Variants in MKLN1 observed in about 807,000 individuals in gnomAD.
MKLN1 encodes muskelin.
Under a neutral mutation model 99.0 loss-of-function variants are expected in MKLN1, and 18 were observed. The observed-to-expected ratio is 0.18, with a 90% confidence interval of 0.13 to 0.27. The LOEUF (loss-of-function observed/expected upper bound fraction) is 0.27. Among genes scored for constraint, MKLN1 ranks in the 10% least tolerant of loss-of-function variants. MKLN1 has a pLI of 1.00. For missense variants in MKLN1, 621 were observed against 875.9 expected, an observed-to-expected ratio of 0.71 and a Z score of 3.67; for synonymous variants, 288 against 293.2, an observed-to-expected ratio of 0.98 and a Z score of 0.18.
At chr7:131,196,546 G>A (rs774700770) in intron 2 of MKLN1, among the ~76,000 whole-genome samples, 10 of 151,608 alleles carry the variant, frequency 6.6e-5, no homozygotes, top group Non-Finnish European at 1.3e-4. Flanking sequence ...TTTCCAAAAC[G>A]GTGTGCTAAA....
At chr7:131,304,200 C>G (rs1185047902) in intron 3 of MKLN1, among the ~76,000 whole-genome samples, 1 of 152,018 alleles carries the variant, frequency 6.6e-6, no homozygotes, top group African/African-American at 2.4e-5. Flanking sequence ...ATAGGAAGAC[C>G]CTGACTCTAC....
chr7:131,271,401 G>A (rs1427733961), intron 3 of MKLN1, among the ~76,000 whole-genome samples: 1 of 148,964 alleles, frequency 6.7e-6, no homozygotes, highest in African/African-American at 2.5e-5. Context: ...GGCAGATCAT[G>A]AGGTCAGGAG....
chr7:131,204,482 T>C (rs1324683499), intron 3 of MKLN1, among the ~76,000 whole-genome samples: 3 of 152,204 alleles, frequency 2.0e-5, no homozygotes, highest in Non-Finnish European at 4.4e-5. Context: ...GACATGTAGA[T>C]GTAGTATCCA....
At chr7:131,242,431 G>C (rs1300878103) in intron 3 of MKLN1, among the ~76,000 whole-genome samples, 1 of 152,150 alleles carries the variant, frequency 6.6e-6, no homozygotes, top group Non-Finnish European at 1.5e-5. Flanking sequence ...GGCTACTCAG[G>C]AGGCTGACGT....
At chr7:131,416,647 G>C (rs115769943) in intron 8 of MKLN1, among the ~76,000 whole-genome samples, 41 of 151,586 alleles carry the variant, frequency 2.7e-4, no homozygotes, top group African/African-American at 9.7e-4. Context: ...TTTCAGCAAA[G>C]TCTTGATGGT....
rs1563247474 is a variant in MKLN1, at chr7:131,192,195, A to ATAC, written c.-296-10662_-296-10661insTAC. ...TAATATATAAAAATATATAAAATAT[A>ATAC]ATATATACAATATATAAATATATAA... is the stretch of plus-strand genomic sequence containing the variant. On this transcript the variant is annotated intron_variant, in intron 2 of 7. Coordinates refer to the MKLN1 transcript ENST00000416992. Among the ~76,000 whole-genome samples, 56 of 72,578 alleles carry ATAC rather than the reference A, an allele frequency of 7.7e-4. 3 individuals carry two copies. The highest frequency in any genetic ancestry group is 2.0e-3 in the African/African-American group (31 of 15,484). 47.6% of individuals were successfully genotyped at this position (72,578 alleles called of 152,430 possible). A position where few individuals can be genotyped will look rare whatever the true frequency, so the allele number is the denominator to read the frequency against.
At chr7:131,364,268 G>A (rs1413360300) in intron 1 of MKLN1, among the ~76,000 whole-genome samples, 5 of 152,012 alleles carry the variant, frequency 3.3e-5, no homozygotes, top group African/African-American at 4.8e-5. Flanking sequence ...TTTTAAATCA[G>A]AAAGCCTTGA....
At chr7:131,476,930 A>G (rs894240847) in intron 16 of MKLN1, among the ~76,000 whole-genome samples, 4 of 152,244 alleles carry the variant, frequency 2.6e-5, no homozygotes, top group South Asian at 2.1e-4. Context: ...AAGTAGACCC[A>G]TACGTATGTG....
Position 131,466,415 on chromosome 7 carries a change from G to A in MKLN1, c.1928G>A (p.Arg643Lys). Reference sequence around the variant, plus strand: ...TGCAAGTACCTCATAAGAAAACACAGGTATGAAAATAATTCACTGAAAACA... The same window carrying A: ...TGCAAGTACCTCATAAGAAAACACAAGTATGAAAATAATTCACTGAAAACA... The part of the protein sequence containing the change: ...RHCKYLIRKH[R>K]FEEKAQVDPL... The change falls in exon 15 of 18, where the codon AGG becomes AAG. Residue 643 changes from arginine to lysine, a missense_variant and splice_region_variant. By Grantham distance (26) the Arg-to-Lys change is conservative (BLOSUM62 2). This residue lies in a region of MKLN1 where 126 missense variants were observed against 157.4 expected (regional missense o/e 0.80). Coordinates refer to ENST00000352689, the MANE Select transcript of MKLN1 (RefSeq NM_013255.5). 4 of 1,553,568 alleles carry A rather than the reference G, an allele frequency of 2.6e-6. No individual in the cohort carries two copies. The highest frequency in any genetic ancestry group is 1.2e-5 in the South Asian group (1 of 81,120).
intron 3 of MKLN1, among the ~76,000 whole-genome samples, chr7:131,209,660 A>T (rs1251663089): frequency 1.3e-5 from 2 of 152,156 alleles, no homozygotes; most frequent in Non-Finnish European, 2.9e-5. Context: ...CACAGCCCTG[A>T]CTTTGTTTAG....
intron 1 of MKLN1, among the ~76,000 whole-genome samples, chr7:131,341,801 A>T (rs1271875789): frequency 6.6e-6 from 1 of 152,248 alleles, no homozygotes; most frequent in Non-Finnish European, 1.5e-5. Flanking sequence ...TGTGCAGTTC[A>T]TAGTAGGTTG....
At chr7:131,248,700 T>C (rs894842511) in intron 3 of MKLN1, among the ~76,000 whole-genome samples, 1 of 151,956 alleles carries the variant, frequency 6.6e-6, no homozygotes, top group Admixed American at 6.6e-5. Context: ...CCGTGAAAAG[T>C]TGGTTGGTTT....
At position 131,340,116 on chromosome 7, in the gene MKLN1, C is replaced by A. The variant is rs1584623097; in HGVS notation, c.98+12119C>A. Reference sequence around the variant, plus strand: ...CCATCAGAAAAGTCATAAAATCTAACTCCTGTTTATTCTCGAGCTATCAGC... The same window carrying A: ...CCATCAGAAAAGTCATAAAATCTAAATCCTGTTTATTCTCGAGCTATCAGC... On this transcript the variant is annotated intron_variant, in intron 1 of 17. Coordinates refer to ENST00000352689, the MANE Select transcript of MKLN1 (RefSeq NM_013255.5). Among the ~76,000 whole-genome samples the A allele has an allele frequency of 2.0e-5, 3 of 152,102 alleles. No homozygotes were observed. In the South Asian group the frequency reaches 6.2e-4, roughly 32 times the overall value.
chr7:131,132,066 T>C (rs981038663), intron 1 of MKLN1, among the ~76,000 whole-genome samples: 1 of 152,176 alleles, frequency 6.6e-6, no homozygotes, highest in Non-Finnish European at 1.5e-5. Context: ...AAAGCCAATG[T>C]AAAAATACAT....
chr7:131,437,010 T>C (rs549999669), intron 9 of MKLN1, among the ~76,000 whole-genome samples: 2 of 152,188 alleles, frequency 1.3e-5, no homozygotes, highest in Non-Finnish European at 2.9e-5. Flanking sequence ...TGGTCTTATA[T>C]TTCCTTGCTA....
chr7:131,242,759 C>T, intron 3 of MKLN1: 1 of 696,592 alleles, frequency 1.4e-6, no homozygotes, highest in Non-Finnish European at 2.7e-6. Flanking sequence ...TGACAGCTGC[C>T]ATGGGCAAGA....
At chr7:131,376,123 T>C (rs1793647163) in intron 2 of MKLN1, among the ~76,000 whole-genome samples, 1 of 916 alleles carries the variant, frequency 1.1e-3, no homozygotes, top group Admixed American at 7.6e-3. Flanking sequence ...TATATATATA[T>C]ATATATATAT....
rs1159344518 is a variant in MKLN1 at position 131,452,544 on chromosome 7, CTTTTTT to C, written c.1525+6661_1525+6666del. 2.8e-4 allele frequency among the ~76,000 whole-genome samples: 20 copies of C among 70,356 alleles called. No homozygotes were observed. The South Asian group carries it at 7.8e-3, about 27-fold the overall frequency. 46.2% of individuals were successfully genotyped at this position (70,356 alleles called of 152,430 possible). A position where few individuals can be genotyped will look rare whatever the true frequency, so the allele number is the denominator to read the frequency against. ...TCTTTATGTTTCTGATCCTTTTATA[CTTTTTT>C]TTTTTTTTTTTTTTTTTTTGAGATG... On this transcript the variant is annotated intron_variant, in intron 12 of 17. Coordinates refer to ENST00000352689, the MANE Select transcript of MKLN1 (RefSeq NM_013255.5).
chr7:131,385,023 C>T (rs913102685), intron 2 of MKLN1, among the ~76,000 whole-genome samples: 1 of 152,202 alleles, frequency 6.6e-6, no homozygotes, highest in East Asian at 1.9e-4. Flanking sequence ...TTCATATACC[C>T]AGTAAGGAGT....
Sources: allele counts gnomAD v4.1 joint callset (sites outside exome capture counted in the v4.1 genomes callset), GRCh38; gene constraint gnomAD v4.1.1; regional missense constraint gnomAD v4.1.1; transcripts MANE v1.5; gene names NCBI Gene and HGNC (gene_info 2026-07-23, HGNC 2026-07-21).